The following SRBD1 variants were observed in gnomAD, a reference collection of about 807,000 sequenced individuals.
The protein encoded by SRBD1 is S1 RNA-binding domain-containing protein 1.
A neutral mutation model predicts 115.3 loss-of-function variants in SRBD1; 88 were observed. The ratio of observed to expected loss-of-function variants is 0.76; its 90% CI spans 0.64 to 0.91. The LOEUF is 0.91. SRBD1 is among the 40% of genes least tolerant of loss of function. The pLI is 0.00. For synonymous variants in SRBD1, 509 were observed against 407.7 expected (o/e 1.25, Z -2.99); for missense variants, 1,385 against 1,177.4 (o/e 1.18, Z -2.58).
chr2:45,543,614 T>C (rs1368795029), intron 14 of SRBD1, among the ~76,000 whole-genome samples: 2 of 151,554 alleles, frequency 1.3e-5, no homozygotes. Flanking sequence ...AAGTGTAAGA[T>C]GAGAAAACAT....
At chr2:45,428,535 G>T (rs559945520) in intron 16 of SRBD1, among the ~76,000 whole-genome samples, 80 of 151,926 alleles carry the variant, frequency 5.3e-4, no homozygotes, top group African/African-American at 1.9e-3. Flanking sequence ...CTCGGCGACA[G>T]AACGAGACTC....
At chr2:45,520,432 T>C (rs917265650) in intron 14 of SRBD1, among the ~76,000 whole-genome samples, 2 of 152,150 alleles carry the variant, frequency 1.3e-5, no homozygotes, top group African/African-American at 4.8e-5. Context: ...AGTTACAAGA[T>C]CCCTGAATTT....
chr2:45,461,544 G>GTCT (rs2103774192), intron 16 of SRBD1, among the ~76,000 whole-genome samples: 1 of 152,240 alleles, frequency 6.6e-6, no homozygotes, highest in East Asian at 1.9e-4. Context: ...TCGTTAGACA[G>GTCT]ACAAGTCCCT....
At position 45,393,049 on chromosome 2, in the gene SRBD1, T is replaced by G; in HGVS notation, c.2594A>C (p.Lys865Thr). 6.2e-7 allele frequency: 1 copy of G among 1,614,108 alleles called. No individual in the cohort carries two copies. The highest frequency in any genetic ancestry group is 8.5e-7 in the Non-Finnish European group (1 of 1,179,990). Reference protein sequence around the residue: ...MQQKINSFLEKEGMEKIAERL... With the variant: ...MQQKINSFLETEGMEKIAERL... ...TTCTGCAATTTTCTCCATTCCTTCC[T>G]TTTCAAGGAATGAATTTATTTTTTG... Residue 865 changes from lysine to threonine, a missense_variant, in exon 20 of 21, where the codon AAG (lysine) becomes ACG (threonine). Coordinates refer to ENST00000263736, the MANE Select transcript of SRBD1 (RefSeq NM_018079.5).
intron 16 of SRBD1, among the ~76,000 whole-genome samples, chr2:45,429,702 C>G (rs1668272324): frequency 6.6e-6 from 1 of 152,172 alleles, no homozygotes; most frequent in Admixed American, 6.5e-5. Flanking sequence ...TGGGCAAAAC[C>G]TGGAAACGTT....
intron 14 of SRBD1, among the ~76,000 whole-genome samples, chr2:45,544,823 T>C (rs1212977016): frequency 1.3e-5 from 2 of 152,094 alleles, no homozygotes; most frequent in African/African-American, 4.8e-5. Flanking sequence ...AAAAAACATA[T>C]TGTTTATTAA....
At chr2:45,478,971 T>A (rs1298928743) in intron 15 of SRBD1, among the ~76,000 whole-genome samples, 1 of 152,226 alleles carries the variant, frequency 6.6e-6, no homozygotes, top group Non-Finnish European at 1.5e-5. Context: ...GGTCACTGTG[T>A]TACATTTTGG....
intron 19 of SRBD1, among the ~76,000 whole-genome samples, chr2:45,397,505 T>C (rs1423975874): frequency 2.0e-5 from 3 of 152,234 alleles, no homozygotes; most frequent in Admixed American, 1.3e-4. Context: ...CTATTTAGAT[T>C]AGCTTACAGA....
intron 16 of SRBD1, among the ~76,000 whole-genome samples, chr2:45,429,156 T>A (rs1229358207): frequency 2.0e-5 from 3 of 152,162 alleles, no homozygotes; most frequent in Non-Finnish European, 4.4e-5. Context: ...TAGTAATTAA[T>A]AGCCTACCAA....
intron 19 of SRBD1, among the ~76,000 whole-genome samples, chr2:45,406,111 C>A (rs1466570266): frequency 3.3e-5 from 5 of 152,094 alleles, no homozygotes; most frequent in African/African-American, 7.2e-5. Context: ...CACTCCCCCA[C>A]CCCTCACATT....
At chr2:45,460,635 C>T (rs918981070) in intron 16 of SRBD1, among the ~76,000 whole-genome samples, 1 of 152,186 alleles carries the variant, frequency 6.6e-6, no homozygotes, top group Admixed American at 6.5e-5. Context: ...ACAGACTTTT[C>T]AAAACCAACT....
intron 14 of SRBD1, among the ~76,000 whole-genome samples, chr2:45,513,713 C>T (rs916597739): frequency 6.4e-4 from 98 of 151,938 alleles, no homozygotes; most frequent in African/African-American, 2.2e-3. Context: ...GTATAATTTA[C>T]GAAAATTCTT....
chr2:45,486,052 T>G (rs914534951), intron 15 of SRBD1, among the ~76,000 whole-genome samples: 19 of 152,222 alleles, frequency 1.2e-4, no homozygotes, highest in African/African-American at 4.3e-4. Flanking sequence ...CAGCTAGACT[T>G]TGAAATTAGA....
At chr2:45,424,513 T>C (rs1668096091) in intron 16 of SRBD1, among the ~76,000 whole-genome samples, 1 of 152,206 alleles carries the variant, frequency 6.6e-6, no homozygotes, top group Non-Finnish European at 1.5e-5. Context: ...CCCATATCTA[T>C]ACATTAAGTT....
intron 20 of SRBD1, 133 bp from the exon 21 acceptor site, chr2:45,389,732 G>T: frequency 1.1e-6 from 1 of 871,702 alleles, no homozygotes; most frequent in Non-Finnish European, 1.7e-6. Flanking sequence ...TATAAAAGGA[G>T]CTGCAGACCA....
rs1230057732 is a variant in SRBD1, at chr2:45,546,761, A to G, written c.1845T>C (p.Asn615=). The change falls in exon 14 of 21, where the codon AAT becomes AAC. Residue 615 remains asparagine, a synonymous_variant. Coordinates refer to ENST00000263736, the MANE Select transcript of SRBD1 (RefSeq NM_018079.5). ...AAACAACATCCAGTGGTGCAAAATA[A>G]TTCTTCATTATCAGGTCAGCAAAGT... ...EAYFADLIMK[N]YFAPLDVVYC... is the part of the protein sequence containing the mutation. 4 of 1,613,990 alleles carry G rather than the reference A, an allele frequency of 2.5e-6. No individual in the cohort carries two copies. The Admixed American group carries it at 5.0e-5, about 20-fold the overall frequency.
intron 15 of SRBD1, among the ~76,000 whole-genome samples, chr2:45,479,042 T>C (rs1056409179): frequency 6.6e-6 from 1 of 152,180 alleles, no homozygotes; most frequent in Non-Finnish European, 1.5e-5. Context: ...TGACCAATGA[T>C]CTTTGATATC....
intron 14 of SRBD1, among the ~76,000 whole-genome samples, chr2:45,528,153 C>T (rs1484324274): frequency 6.6e-6 from 1 of 151,692 alleles, no homozygotes; most frequent in African/African-American, 2.4e-5. Context: ...TGTATGATTC[C>T]TTAATAAATG....
chr2:45,453,617 CAAAAA>C (rs200211270), intron 16 of SRBD1, among the ~76,000 whole-genome samples: 3 of 148,728 alleles, frequency 2.0e-5, no homozygotes, highest in African/African-American at 7.4e-5. Context: ...TATTAAAACT[CAAAAA>C]AAAATAGCTT....
Sources: gnomAD v4.1 joint callset for allele counts (sites outside exome capture counted in the v4.1 genomes callset) on GRCh38, gnomAD v4.1.1 for gene constraint, MANE v1.5 for transcripts, NCBI Gene and HGNC (gene_info 2026-07-23, HGNC 2026-07-21) for gene names.